The following DLG2 variants were observed in gnomAD, a reference collection of about 807,000 sequenced individuals.
DLG2 encodes disks large homolog 2.
DLG2 carries 45 observed loss-of-function variants against 132.5 expected under a neutral mutation model. The ratio of observed to expected loss-of-function variants is 0.34; its 90% confidence interval spans 0.27 to 0.44. The LOEUF (loss-of-function observed/expected upper bound fraction) is 0.44, where lower values mean the gene tolerates loss of function less well. Ranked by LOEUF, DLG2 falls within the 20% of genes least tolerant of loss-of-function variation. The pLI, the probability that DLG2 is intolerant of heterozygous loss-of-function variation, is 1.00. For missense variants in DLG2, 1,045 were observed against 1,196.9 expected (o/e 0.87, Z 1.87); for synonymous variants, 424 against 419.6 (o/e 1.01, Z -0.13).
intron 7 of DLG2, among the ~76,000 whole-genome samples, chr11:84,365,622 C>A (rs2098677639): frequency 6.6e-6 from 1 of 151,946 alleles, no homozygotes; most frequent in Non-Finnish European, 1.5e-5. Context: ...AATTTTGGAT[C>A]TTTCCTGCTT....
intron 6 of DLG2, among the ~76,000 whole-genome samples, chr11:84,556,360 T>C (rs1454105264): frequency 6.6e-6 from 1 of 152,108 alleles, no homozygotes; most frequent in Non-Finnish European, 1.5e-5. Context: ...CTAACATGTG[T>C]TTAGTCTTTC....
At chr11:83,462,256 A>T in intron 26 of DLG2, 163 bp from the exon 27 acceptor site, 1 of 566,486 alleles carries the variant, frequency 1.8e-6, no homozygotes, top group Non-Finnish European at 3.2e-6. Flanking sequence ...AATTTCAGCA[A>T]CAAGGACTCA....
At chr11:83,990,059 G>T (rs1029238883) in intron 11 of DLG2, among the ~76,000 whole-genome samples, 1 of 152,108 alleles carries the variant, frequency 6.6e-6, no homozygotes, top group African/African-American at 2.4e-5. Context: ...ACCTACTGTG[G>T]AATGTTGGGC....
At position 84,048,074 on chromosome 11, in the gene DLG2, G is replaced by A. The variant is rs548874655; in HGVS notation, c.919+11241C>T. Among the ~76,000 whole-genome samples, 8 of 151,434 alleles carry A rather than the reference G, an allele frequency of 5.3e-5. No homozygotes were observed. The South Asian group carries it at 6.2e-4, about 12-fold the overall frequency. ...CCAGAAATAATCAGAAATTAACAAC[G>A]TGCATGCACAAGAAATTCTACAGGA... On this transcript the variant is annotated intron_variant, in intron 11 of 27. Coordinates refer to ENST00000376104, the MANE Select transcript of DLG2 (RefSeq NM_001142699.3).
At chr11:83,832,546 C>T (rs1025083887) in intron 17 of DLG2, among the ~76,000 whole-genome samples, 8 of 151,878 alleles carry the variant, frequency 5.3e-5, no homozygotes, top group African/African-American at 1.2e-4. Flanking sequence ...TAAGTGGGAG[C>T]GAAATACTGG....
chr11:84,554,301 G>A (rs547661972), intron 6 of DLG2, among the ~76,000 whole-genome samples: 1 of 152,258 alleles, frequency 6.6e-6, no homozygotes, highest in South Asian at 2.1e-4. Context: ...TCCTTAATGT[G>A]GATAGGACTT....
intron 7 of DLG2, among the ~76,000 whole-genome samples, chr11:84,331,209 G>A (rs1600039262): frequency 6.6e-6 from 1 of 152,098 alleles, no homozygotes; most frequent in Non-Finnish European, 1.5e-5. Context: ...ACCATTTATT[G>A]ATCATCTACT....
At chr11:84,113,100 G>C (rs1288702748) in intron 9 of DLG2, among the ~76,000 whole-genome samples, 1 of 152,162 alleles carries the variant, frequency 6.6e-6, no homozygotes, top group Non-Finnish European at 1.5e-5. Context: ...CAAGGTAGTG[G>C]TGCCGAAGTA....
chr11:83,460,999 GTTTTTTTTTTTT>G (rs10591072), intron 27 of DLG2, among the ~76,000 whole-genome samples: 3 of 107,070 alleles, frequency 2.8e-5, no homozygotes, highest in African/African-American at 7.2e-5. Context: ...AAGTTCTTGG[GTTTTTTTTTTTT>G]TTTTTTTTTT....
intron 7 of DLG2, among the ~76,000 whole-genome samples, chr11:84,461,158 G>A (rs973874492): frequency 1.3e-5 from 2 of 150,886 alleles, no homozygotes; most frequent in African/African-American, 2.4e-5. Flanking sequence ...TTAAGTAGGA[G>A]TTATTGCTAT....
chr11:85,210,888 T>A (rs1208104677), intron 4 of DLG2, among the ~76,000 whole-genome samples: 1 of 152,152 alleles, frequency 6.6e-6, no homozygotes, highest in Non-Finnish European at 1.5e-5. Context: ...CAGACCTGCA[T>A]AATAGCCTGA....
chr11:84,600,191 A>AGAAG (rs1565419508), intron 6 of DLG2, among the ~76,000 whole-genome samples: 12 of 124,428 alleles, frequency 9.6e-5, no homozygotes, highest in Non-Finnish European at 2.1e-4. Flanking sequence ...AAAGAAAGAA[A>AGAAG]GAAAGAAAGA....
intron 6 of DLG2, among the ~76,000 whole-genome samples, chr11:84,598,704 T>C (rs535209610): frequency 6.6e-5 from 10 of 151,108 alleles, no homozygotes; most frequent in East Asian, 5.8e-4. Flanking sequence ...GGCAGAAGGA[T>C]TGCTTGAGCC....
At chr11:84,209,561 A>T (rs1566937163) in intron 8 of DLG2, among the ~76,000 whole-genome samples, 1 of 152,198 alleles carries the variant, frequency 6.6e-6, no homozygotes, top group Non-Finnish European at 1.5e-5. Context: ...ACGGGCATAA[A>T]GAAATTCTCT....
At chr11:83,809,677 A>G (rs759480007) in intron 17 of DLG2, among the ~76,000 whole-genome samples, 2 of 152,180 alleles carry the variant, frequency 1.3e-5, no homozygotes, top group African/African-American at 2.4e-5. Context: ...CAAGGTTTAT[A>G]TCATCTGCAT....
chr11:85,556,291 C>A (rs1403778318), intron 3 of DLG2, among the ~76,000 whole-genome samples: 1 of 151,814 alleles, frequency 6.6e-6, no homozygotes, highest in East Asian at 1.9e-4. Flanking sequence ...TGGTTTAGTA[C>A]CCTCCCTCCT....
chr11:83,661,897 AC>A (rs1438019213), intron 18 of DLG2, among the ~76,000 whole-genome samples: 2 of 152,236 alleles, frequency 1.3e-5, no homozygotes, highest in East Asian at 3.8e-4. Context: ...CATGTAAATG[AC>A]AACATTAACA....
At chr11:84,534,383 T>C (rs2099350414) in intron 7 of DLG2, among the ~76,000 whole-genome samples, 187 bp downstream of exon 7, 1 of 152,140 alleles carries the variant, frequency 6.6e-6, no homozygotes, top group African/African-American at 2.4e-5. Context: ...ATTCAAACAA[T>C]TGCAATAAAA....
At chr11:83,887,417 A>T (rs1370409658) in intron 15 of DLG2, among the ~76,000 whole-genome samples, 1 of 152,078 alleles carries the variant, frequency 6.6e-6, no homozygotes, top group African/African-American at 2.4e-5. Flanking sequence ...TGAATCTCTG[A>T]ATAGACCAAT....
Sources: allele counts gnomAD v4.1 joint callset (sites outside exome capture counted in the v4.1 genomes callset), GRCh38; gene constraint gnomAD v4.1.1; transcripts MANE v1.5; gene names NCBI Gene and HGNC (gene_info 2026-07-23, HGNC 2026-07-21).